Variants in EPC2 observed in about 807,000 individuals in gnomAD.
The protein encoded by EPC2 is enhancer of polycomb 2.
Under a neutral mutation model 92.1 loss-of-function variants are expected in EPC2, and 14 were observed. The observed-to-expected ratio is 0.15, with a 90% confidence interval of 0.10 to 0.24. The LOEUF (loss-of-function observed/expected upper bound fraction) is 0.24. EPC2 is among the 10% of genes least tolerant of loss of function. EPC2 has a pLI of 1.00. For synonymous variants in EPC2, 340 were observed against 334.7 expected (o/e 1.02, Z -0.17); for missense variants, 755 against 971.5 (o/e 0.78, Z 2.96).
chr2:148,698,161 A>C (rs2105375578), intron 2 of EPC2, among the ~76,000 whole-genome samples: 1 of 152,328 alleles, frequency 6.6e-6, no homozygotes, highest in South Asian at 2.1e-4. Context: ...GTTGCTTTTT[A>C]AATGAGATGA....
Position 148,784,834 on chromosome 2 carries a change from A to G in EPC2, c.2184A>G (p.Thr728=), listed in dbSNP as rs369286653. ...TTCCCATGAACAATTCCTGCCTGAC[A>G]AATGCAGTGCACCTCAATAATGTCA... ...QTLPMNNSCL[T]NAVHLNNVSV... The change falls in exon 13 of 14, where the codon ACA becomes ACG. Residue 728 remains threonine, a synonymous_variant. Transcript: ENST00000258484. 6.8e-6 allele frequency: 11 copies of G among 1,613,958 alleles called. No homozygotes were observed. Among genetic ancestry groups the G allele is most frequent in the Admixed American group, 1.7e-5 (1 of 60,020 alleles).
chr2:148,734,391 A>G (rs1280885262), intron 2 of EPC2, among the ~76,000 whole-genome samples: 2 of 152,062 alleles, frequency 1.3e-5, no homozygotes, highest in Non-Finnish European at 2.9e-5. Flanking sequence ...ATACACTTTT[A>G]TGATTTCCAG....
chr2:148,657,112 C>T (rs920958622), intron 1 of EPC2, among the ~76,000 whole-genome samples: 5 of 151,446 alleles, frequency 3.3e-5, no homozygotes, highest in Non-Finnish European at 7.4e-5. Context: ...CCTTTTAGGA[C>T]GGGCAAAATT....
intron 2 of EPC2, among the ~76,000 whole-genome samples, chr2:148,739,293 T>A (rs1390558524): frequency 6.6e-6 from 1 of 152,144 alleles, no homozygotes; most frequent in Non-Finnish European, 1.5e-5. Context: ...AACTGGCCCA[T>A]CATTATGTGC....
At chr2:148,745,227 G>A (rs926076354) in intron 3 of EPC2, among the ~76,000 whole-genome samples, 4 of 151,968 alleles carry the variant, frequency 2.6e-5, no homozygotes, top group African/African-American at 9.7e-5. Context: ...TTTTTCTTTA[G>A]ATGTAAATTT....
At chr2:148,783,530 C>T in intron 11 of EPC2, 67 bp from the exon 12 acceptor site, 1 of 1,472,114 alleles carries the variant, frequency 6.8e-7, no homozygotes, top group Non-Finnish European at 9.2e-7. Context: ...TGGGTTTGCC[C>T]CATCCCTTAA....
chr2:148,658,634 C>CATATATATATATATAT (rs1262206377), intron 1 of EPC2, among the ~76,000 whole-genome samples: 1 of 127,608 alleles, frequency 7.8e-6, no homozygotes, highest in Admixed American at 8.7e-5. Context: ...TATATATATG[C>CATATATATATATATAT]ATTTTTCCCT....
intron 11 of EPC2, among the ~76,000 whole-genome samples, chr2:148,782,885 A>G (rs1683783220): frequency 1.3e-5 from 2 of 152,252 alleles, no homozygotes; most frequent in South Asian, 4.1e-4. Context: ...CTTCTAAAGT[A>G]ATAACTGAGG....
intron 2 of EPC2, among the ~76,000 whole-genome samples, chr2:148,735,589 G>A (rs1181562288): frequency 6.6e-6 from 1 of 151,678 alleles, no homozygotes; most frequent in Non-Finnish European, 1.5e-5. Flanking sequence ...TATACTACTG[G>A]CCAATATTGT....
At chr2:148,753,876 A>C in intron 3 of EPC2, 51 bp from the exon 4 acceptor site, 9 of 1,515,396 alleles carry the variant, frequency 5.9e-6, no homozygotes, top group Non-Finnish European at 8.0e-6. Flanking sequence ...GCTAACTTTT[A>C]TTTCTTTTTG....
chr2:148,761,657 G>C, intron 4 of EPC2, 125 bp from the exon 5 acceptor site: 2 of 596,552 alleles, frequency 3.4e-6, no homozygotes, highest in Non-Finnish European at 2.7e-6. Flanking sequence ...ATAGGTTGCT[G>C]TTCAGATTTT....
chr2:148,656,504 C>T (rs542531802), intron 1 of EPC2, among the ~76,000 whole-genome samples: 1 of 152,230 alleles, frequency 6.6e-6, no homozygotes, highest in Non-Finnish European at 1.5e-5. Context: ...TGAAGAAAGC[C>T]ATCCTATTCA....
At chr2:148,656,783 A>T (rs1680810908) in intron 1 of EPC2, among the ~76,000 whole-genome samples, 1 of 152,356 alleles carries the variant, frequency 6.6e-6, no homozygotes, top group African/African-American at 2.4e-5. Flanking sequence ...CTTATTGCTT[A>T]GTAGGAGAGA....
chr2:148,651,720 A>G (rs1027184147), intron 1 of EPC2, among the ~76,000 whole-genome samples: 4 of 152,294 alleles, frequency 2.6e-5, no homozygotes, highest in African/African-American at 4.8e-5. Flanking sequence ...GTTCATCACT[A>G]CTATCTCAGC....
At chr2:148,694,891 G>A (rs1260475021) in intron 2 of EPC2, among the ~76,000 whole-genome samples, 1 of 152,094 alleles carries the variant, frequency 6.6e-6, no homozygotes, top group African/African-American at 2.4e-5. Flanking sequence ...CTCTGCCTCA[G>A]CCTCCAGAGT....
At chr2:148,736,677 GT>G (rs1307732314) in intron 2 of EPC2, among the ~76,000 whole-genome samples, 2 of 151,990 alleles carry the variant, frequency 1.3e-5, no homozygotes, top group Admixed American at 1.3e-4. Flanking sequence ...TTTTTCTACA[GT>G]TACTTTTTTT....
At chr2:148,669,899 G>T (rs1288415471) in intron 1 of EPC2, among the ~76,000 whole-genome samples, 1 of 152,104 alleles carries the variant, frequency 6.6e-6, no homozygotes, top group Non-Finnish European at 1.5e-5. Flanking sequence ...CAGGCATTGT[G>T]TTCCCTCAGA....
chr2:148,688,309 G>A (rs1681570243), intron 1 of EPC2, among the ~76,000 whole-genome samples: 1 of 151,918 alleles, frequency 6.6e-6, no homozygotes, highest in Non-Finnish European at 1.5e-5. Context: ...CTATTGCAAG[G>A]GCAAAAAATC....
At chr2:148,657,586 T>G (rs76814221) in intron 1 of EPC2, among the ~76,000 whole-genome samples, 9,001 of 151,956 alleles carry the variant, frequency 0.059, 276 homozygotes, top group East Asian at 0.1. Flanking sequence ...GACCCAACTT[T>G]GAAAACCAGC....
Sources: gnomAD v4.1 joint callset for allele counts (sites outside exome capture counted in the v4.1 genomes callset) on GRCh38, gnomAD v4.1.1 for gene constraint, MANE v1.5 for transcripts, NCBI Gene and HGNC (gene_info 2026-07-23, HGNC 2026-07-21) for gene names.